The following PSD3 variants were observed in gnomAD, a reference collection of about 807,000 sequenced individuals.
The protein encoded by PSD3 is PH and SEC7 domain-containing protein 3.
Under a neutral mutation model 105.5 loss-of-function variants are expected in PSD3, and 49 were observed. The ratio of observed to expected loss-of-function variants is 0.46; its 90% confidence interval spans 0.37 to 0.59. The LOEUF is 0.59. Ranked by LOEUF, PSD3 falls within the 20% of genes least tolerant of loss-of-function variation. PSD3 has a pLI of 0.00. For missense variants in PSD3, 1,561 were observed against 1,263.8 expected (o/e 1.24, Z -3.57); for synonymous variants, 557 against 457.8 (o/e 1.22, Z -2.77).
intron 12 of PSD3, among the ~76,000 whole-genome samples, chr8:18,589,053 T>G (rs1274475192): frequency 2.0e-5 from 3 of 152,086 alleles, no homozygotes; most frequent in Non-Finnish European, 4.4e-5. Flanking sequence ...GCTGGGGAAA[T>G]GGCTGTGATA....
At chr8:18,544,467 C>T (rs1368551607) in intron 15 of PSD3, among the ~76,000 whole-genome samples, 4 of 151,452 alleles carry the variant, frequency 2.6e-5, no homozygotes, top group African/African-American at 4.9e-5. Flanking sequence ...CCATGTCAGG[C>T]TTCAGAGTAC....
rs1799599263 is a variant in PSD3 at position 18,530,696 on chromosome 8, T to C, written c.*5047A>G. The C allele has an allele frequency of 6.6e-6, 1 of 152,464 alleles. No individual in the cohort carries two copies. The highest frequency in any genetic ancestry group is 6.5e-5 in the Admixed American group (1 of 15,272). 9.4% of individuals were successfully genotyped at this position (152,464 alleles called of 1,614,324 possible). A position where few individuals can be genotyped will look rare whatever the true frequency, so the allele number is the denominator to read the frequency against. ...ACTGCACAGGCTGCCTTTTTTTTTT[T>C]TTTTCTTTTCTTTCTGTATTTCCCA... is the stretch of plus-strand genomic sequence containing the variant. On this transcript the variant is annotated 3_prime_UTR_variant, in exon 16 of 16. Coordinates refer to ENST00000327040, the MANE Select transcript of PSD3 (RefSeq NM_015310.4).
At chr8:18,594,178 A>T (rs568265650) in intron 12 of PSD3, among the ~76,000 whole-genome samples, 429 of 33,654 alleles carry the variant, frequency 0.013, 67 homozygotes, top group African/African-American at 0.032. Flanking sequence ...ATATTATATA[A>T]TATATATTAT....
At chr8:18,954,536 T>A (rs1199700968) in intron 1 of PSD3, among the ~76,000 whole-genome samples, 1 of 151,842 alleles carries the variant, frequency 6.6e-6, no homozygotes, top group East Asian at 1.9e-4. Flanking sequence ...CAATCAACCA[T>A]CCATCCATCC....
At chr8:18,711,526 C>T (rs1038389539) in intron 9 of PSD3, among the ~76,000 whole-genome samples, 1 of 152,068 alleles carries the variant, frequency 6.6e-6, no homozygotes, top group Non-Finnish European at 1.5e-5. Flanking sequence ...TAAAAAAATA[C>T]AAAGAAGTGC....
intron 11 of PSD3, among the ~76,000 whole-genome samples, chr8:18,629,526 G>C (rs927659032): frequency 2.0e-5 from 3 of 152,080 alleles, no homozygotes; most frequent in Non-Finnish European, 4.4e-5. Flanking sequence ...AATAAGAAGA[G>C]AGAAACTATT....
In PSD3 at chr8:18,872,165, C is replaced by G; in HGVS notation, c.699G>C (p.Met233Ile). ...AGACAGCCCCTTTCCTCCCATTATT[C>G]ATTATCTGGGAAATCTCTGCCTGAG... ...GDTQAEISQI[M>I]NNGRKGAVCV... Residue 233 changes from methionine (M) to isoleucine (I), a missense_variant, in exon 3 of 16, where the codon ATG (methionine) becomes ATC (isoleucine). Coordinates refer to ENST00000327040, the MANE Select transcript of PSD3 (RefSeq NM_015310.4). 1.2e-6 allele frequency: 2 copies of G among 1,614,180 alleles called. No individual in the cohort carries two copies. The highest frequency in any genetic ancestry group is 1.7e-6 in the Non-Finnish European group (2 of 1,180,014).
chr8:18,637,292 T>C (rs1563407568), intron 10 of PSD3, among the ~76,000 whole-genome samples: 1 of 152,234 alleles, frequency 6.6e-6, no homozygotes, highest in Non-Finnish European at 1.5e-5. Flanking sequence ...ATAGTCTGAA[T>C]TCTACTTTGT....
At chr8:18,661,901 G>A (rs1205452714) in intron 9 of PSD3, among the ~76,000 whole-genome samples, 1 of 152,146 alleles carries the variant, frequency 6.6e-6, no homozygotes, top group Non-Finnish European at 1.5e-5. Context: ...CAAGTTTAAA[G>A]AGCGCCACAT....
At chr8:18,629,401 T>C (rs1482129782) in intron 11 of PSD3, among the ~76,000 whole-genome samples, 2 of 152,046 alleles carry the variant, frequency 1.3e-5, no homozygotes, top group South Asian at 2.1e-4. Context: ...AAAACTTATA[T>C]GTGAATGTCC....
chr8:19,034,804 G>T (rs146112173), intron 1 of PSD3, among the ~76,000 whole-genome samples: 2 of 152,260 alleles, frequency 1.3e-5, no homozygotes, highest in Non-Finnish European at 2.9e-5. Context: ...CTGGATCCCA[G>T]AGGACAAAGC....
intron 9 of PSD3, among the ~76,000 whole-genome samples, chr8:18,758,548 TTACCCTTATATA>T (rs1242918291): frequency 6.6e-6 from 1 of 152,096 alleles, no homozygotes; most frequent in Non-Finnish European, 1.5e-5. Context: ...CTGTTGTTCT[TTACCCTTATATA>T]CAGCTGTAAC....
chr8:18,832,833 C>G (rs558605826), intron 4 of PSD3, among the ~76,000 whole-genome samples: 1 of 152,194 alleles, frequency 6.6e-6, no homozygotes, highest in Non-Finnish European at 1.5e-5. Flanking sequence ...CCTGGTGAGA[C>G]CTATTCATTA....
At chr8:18,727,334 CAAAAAA>C (rs11300334) in intron 9 of PSD3, among the ~76,000 whole-genome samples, 72 of 55,800 alleles carry the variant, frequency 1.3e-3, no homozygotes, top group Middle Eastern at 0.014. Flanking sequence ...GACTGTGTCT[CAAAAAA>C]AAAAAAAAAA....
At chr8:18,957,151 C>A (rs2129470776) in intron 1 of PSD3, among the ~76,000 whole-genome samples, 1 of 152,196 alleles carries the variant, frequency 6.6e-6, no homozygotes, top group East Asian at 1.9e-4. Flanking sequence ...GTGGGCGGAT[C>A]ACAAGGTCAA....
At chr8:18,978,684 G>C (rs116487381) in intron 1 of PSD3, among the ~76,000 whole-genome samples, 2,733 of 152,238 alleles carry the variant, frequency 0.018, 93 homozygotes, top group African/African-American at 0.063. Context: ...ACCACTGCCA[G>C]GCTCCGCAGC....
At chr8:19,040,212 T>C (rs1828075171) in intron 1 of PSD3, among the ~76,000 whole-genome samples, 1 of 152,188 alleles carries the variant, frequency 6.6e-6, no homozygotes, top group African/African-American at 2.4e-5. Context: ...TTTTATTTAT[T>C]TATTTTTTGA....
At chr8:18,878,185 C>T (rs1817859842) in intron 2 of PSD3, among the ~76,000 whole-genome samples, 1 of 151,830 alleles carries the variant, frequency 6.6e-6, no homozygotes, top group Admixed American at 6.6e-5. Flanking sequence ...TCAATTTATT[C>T]CCCTAAGATT....
chr8:19,025,447 T>G (rs1473299070), intron 1 of PSD3, among the ~76,000 whole-genome samples: 4 of 152,172 alleles, frequency 2.6e-5, no homozygotes, highest in Non-Finnish European at 2.9e-5. Flanking sequence ...GCCACAAAGC[T>G]CCAGACTTTC....
Sources: gnomAD v4.1 joint callset for allele counts (sites outside exome capture counted in the v4.1 genomes callset) on GRCh38, gnomAD v4.1.1 for gene constraint, MANE v1.5 for transcripts, NCBI Gene and HGNC (gene_info 2026-07-23, HGNC 2026-07-21) for gene names.